PTPRD: variants seen among roughly 807,000 people sequenced by gnomAD.
PTPRD encodes the protein protein tyrosine phosphatase receptor type D.
Under a neutral mutation model 214.5 loss-of-function variants are expected in PTPRD, and 34 were observed. The observed-to-expected ratio is 0.16, with a 90% CI of 0.12 to 0.21. PTPRD has a LOEUF of 0.21. PTPRD is among the 10% of genes least tolerant of loss of function. The probability of loss-of-function intolerance (pLI) is 1.00; values close to 1 mark genes in which losing one functional copy is unlikely to be tolerated. For missense variants in PTPRD, 2,545 were observed against 2,398.7 expected, an observed-to-expected ratio of 1.06 and a Z score of -1.27; for synonymous variants, 1,128 against 845.7, an observed-to-expected ratio of 1.33 and a Z score of -5.79.
At position 9,551,317 on chromosome 9, in the gene PTPRD, T is replaced by G. The variant is rs149767780; in HGVS notation, c.-237+23415A>C. 3.4e-3 allele frequency among the ~76,000 whole-genome samples: 520 copies of G among 152,070 alleles called. 3 individuals are homozygous for G. The highest frequency in any genetic ancestry group is 0.012 in the African/African-American group (496 of 41,538). ...TCAAAACCTTACAAGCTTTAGAAAT[T>G]CAGTATTTAAATTAAGGGTCTCTAA... On this transcript the variant is annotated intron_variant, in intron 8 of 45. Transcript: ENST00000381196.
At chr9:9,856,713 G>T (rs2061624381) in intron 5 of PTPRD, among the ~76,000 whole-genome samples, 1 of 152,006 alleles carries the variant, frequency 6.6e-6, no homozygotes, top group African/African-American at 2.4e-5. Flanking sequence ...CCAATTTTCT[G>T]ATGGACCCTG....
intron 11 of PTPRD, among the ~76,000 whole-genome samples, chr9:8,790,378 GTGTT>G (rs2096178560): frequency 6.6e-6 from 1 of 150,764 alleles, no homozygotes. Flanking sequence ...GTCCAATAAA[GTGTT>G]AGCCTCAGGA....
At chr9:9,149,838 C>T (rs903128895) in intron 10 of PTPRD, among the ~76,000 whole-genome samples, 6 of 152,100 alleles carry the variant, frequency 3.9e-5, no homozygotes, top group South Asian at 2.1e-4. Context: ...TTCATGAGGG[C>T]GTATCACTGA....
intron 9 of PTPRD, among the ~76,000 whole-genome samples, chr9:9,315,878 A>G (rs930214659): frequency 4.0e-5 from 6 of 149,694 alleles, no homozygotes; most frequent in Non-Finnish European, 8.9e-5. Flanking sequence ...AGATGCTAAA[A>G]AGTTACACAA....
At chr9:9,523,714 A>G (rs1413720783) in intron 8 of PTPRD, among the ~76,000 whole-genome samples, 2 of 152,120 alleles carry the variant, frequency 1.3e-5, no homozygotes, top group Admixed American at 6.5e-5. Context: ...CCTTAAAACT[A>G]TCTTCAACCT....
intron 2 of PTPRD, among the ~76,000 whole-genome samples, chr9:10,361,692 T>C (rs1045266930): frequency 6.6e-6 from 1 of 152,176 alleles, no homozygotes; most frequent in Non-Finnish European, 1.5e-5. Flanking sequence ...TATTATATGA[T>C]CGTTCATTAA....
chr9:10,509,141 A>AG (rs573139209), intron 2 of PTPRD, among the ~76,000 whole-genome samples: 11 of 152,178 alleles, frequency 7.2e-5, no homozygotes, highest in African/African-American at 2.6e-4. Flanking sequence ...TTATATATGC[A>AG]GGTAAACTTT....
At chr9:9,707,770 G>T (rs1335869168) in intron 7 of PTPRD, among the ~76,000 whole-genome samples, 1 of 151,866 alleles carries the variant, frequency 6.6e-6, no homozygotes, top group East Asian at 1.9e-4. Context: ...AGAGTTAGCA[G>T]TGCCACTATT....
intron 10 of PTPRD, among the ~76,000 whole-genome samples, chr9:9,158,226 A>G (rs1244671499): frequency 6.6e-6 from 1 of 152,130 alleles, no homozygotes; most frequent in Admixed American, 6.6e-5. Context: ...CTATGTGGCT[A>G]TATACCTGTA....
intron 5 of PTPRD, among the ~76,000 whole-genome samples, chr9:9,773,893 T>C (rs781288491): frequency 1.7e-4 from 26 of 152,218 alleles, no homozygotes; most frequent in Non-Finnish European, 3.4e-4. Context: ...CTCTGAGTTG[T>C]GATTTTCTTT....
chr9:8,623,814 T>C (rs1183719405), intron 14 of PTPRD, among the ~76,000 whole-genome samples: 1 of 151,882 alleles, frequency 6.6e-6, no homozygotes, highest in Admixed American at 6.6e-5. Flanking sequence ...CTCGGGTCTG[T>C]CTGTTTGCTG....
At chr9:9,070,879 T>G (rs1367097697) in intron 10 of PTPRD, among the ~76,000 whole-genome samples, 2 of 152,186 alleles carry the variant, frequency 1.3e-5, no homozygotes, top group African/African-American at 4.8e-5. Context: ...TAGTTGCTAC[T>G]GCTAGTGTCC....
intron 10 of PTPRD, among the ~76,000 whole-genome samples, chr9:9,037,158 C>T (rs762606981): frequency 6.6e-6 from 1 of 152,086 alleles, no homozygotes; most frequent in South Asian, 2.1e-4. Flanking sequence ...CAGAGCCTAA[C>T]AATGTGTATC....
intron 3 of PTPRD, among the ~76,000 whole-genome samples, chr9:10,056,894 T>C (rs1224070290): frequency 2.6e-5 from 4 of 152,154 alleles, no homozygotes; most frequent in African/African-American, 9.7e-5. Context: ...AATTTATAAA[T>C]TGTTCAACCT....
chr9:9,016,098 C>G (rs1014926533), intron 11 of PTPRD, among the ~76,000 whole-genome samples: 2 of 152,130 alleles, frequency 1.3e-5, no homozygotes, highest in Admixed American at 1.3e-4. Flanking sequence ...TCCCACAGAG[C>G]TTGTCCAAGG....
At chr9:10,040,141 G>T (rs994686052) in intron 3 of PTPRD, among the ~76,000 whole-genome samples, 4 of 152,016 alleles carry the variant, frequency 2.6e-5, no homozygotes, top group Non-Finnish European at 4.4e-5. Flanking sequence ...AGAAAAATAA[G>T]CTCAAATTAG....
chr9:9,288,706 T>A (rs918775382), intron 9 of PTPRD, among the ~76,000 whole-genome samples: 13 of 151,816 alleles, frequency 8.6e-5, no homozygotes, highest in African/African-American at 3.1e-4. Context: ...GTCAACATGG[T>A]TTGGCTGTGT....
At chr9:8,583,630 T>C (rs553867293) in intron 14 of PTPRD, among the ~76,000 whole-genome samples, 2 of 152,364 alleles carry the variant, frequency 1.3e-5, no homozygotes, top group East Asian at 1.9e-4. Context: ...ATTTAACATA[T>C]ATGCACATGT....
intron 9 of PTPRD, among the ~76,000 whole-genome samples, chr9:9,360,083 AATG>A (rs747963655): frequency 2.0e-4 from 30 of 151,366 alleles, no homozygotes; most frequent in South Asian, 1.0e-3. Flanking sequence ...TCATAACAAA[AATG>A]ATGTTTTCAA....
Sources: gnomAD v4.1 joint callset for allele counts (sites outside exome capture counted in the v4.1 genomes callset) on GRCh38, gnomAD v4.1.1 for gene constraint, MANE v1.5 for transcripts, NCBI Gene and HGNC (gene_info 2026-07-23, HGNC 2026-07-21) for gene names.